PDE1A: variants seen among roughly 807,000 people sequenced by gnomAD.
The protein encoded by PDE1A is dual specificity calcium/calmodulin-dependent 3',5'-cyclic nucleotide phosphodiesterase 1A.
Under a neutral mutation model 61.7 loss-of-function variants are expected in PDE1A, and 35 were observed. The observed-to-expected ratio is 0.57, with a 90% CI of 0.43 to 0.75. The LOEUF is 0.75. PDE1A is among the 30% of genes least tolerant of loss of function. The pLI, the probability that PDE1A is intolerant of heterozygous loss-of-function variation, is 0.00. For missense variants in PDE1A, 597 were observed against 630.6 expected, an observed-to-expected ratio of 0.95 and a Z score of 0.57; for synonymous variants, 232 against 213.2, an observed-to-expected ratio of 1.09 and a Z score of -0.77.
At chr2:182,376,723 T>C (rs1291708977) in intron 1 of PDE1A, among the ~76,000 whole-genome samples, 2 of 152,170 alleles carry the variant, frequency 1.3e-5, no homozygotes, top group Non-Finnish European at 2.9e-5. Context: ...ACACTGCTGA[T>C]AAAGAGATAC....
In PDE1A at chr2:182,275,226, C is replaced by T. The variant is rs140456336; in HGVS notation, c.54-10812G>A. 2.9e-3 allele frequency among the ~76,000 whole-genome samples: 447 copies of T among 152,130 alleles called. 3 individuals are homozygous for T. Among genetic ancestry groups the T allele is most frequent in the African/African-American group, 9.9e-3 (412 of 41,544 alleles). ...GAGAAACACCAGTGGGGACTGCCCACGGCAATCTTGAACCACAGAAGAGAC... is the reference window on the plus strand; with the variant it reads ...GAGAAACACCAGTGGGGACTGCCCATGGCAATCTTGAACCACAGAAGAGAC... On this transcript the variant is annotated intron_variant, in intron 1 of 13. Transcript: ENST00000351439.
At chr2:182,228,721 T>A (rs186187585) in intron 6 of PDE1A, among the ~76,000 whole-genome samples, 34 of 152,304 alleles carry the variant, frequency 2.2e-4, no homozygotes, top group African/African-American at 6.7e-4. Context: ...TCTCCATCTA[T>A]GGTAAAAGTT....
chr2:182,612,934 GT>G, the PDE1A span, among the ~76,000 whole-genome samples: 2 of 152,266 alleles, frequency 1.3e-5, no homozygotes, highest in South Asian at 2.1e-4. Context: ...CGTTTTTGCA[GT>G]TTTTTTATCT....
intron 2 of PDE1A, among the ~76,000 whole-genome samples, chr2:182,444,732 T>C (rs1685023615): frequency 6.6e-6 from 1 of 152,052 alleles, no homozygotes; most frequent in Admixed American, 6.6e-5. Context: ...AGCTTCTATA[T>C]ATCATTATCT....
chr2:182,283,840 A>G (rs833139), intron 1 of PDE1A, among the ~76,000 whole-genome samples: 1,981 of 152,244 alleles, frequency 0.013, 26 homozygotes, highest in African/African-American at 0.022. Flanking sequence ...CTAGGACTCT[A>G]TGAAAAGCGT....
intron 1 of PDE1A, among the ~76,000 whole-genome samples, chr2:182,277,541 G>T (rs1693511684): frequency 6.6e-6 from 1 of 152,074 alleles, no homozygotes; most frequent in Non-Finnish European, 1.5e-5. Flanking sequence ...GGCTTCTCTT[G>T]TAAGTTCATA....
chr2:182,536,484 C>T, the PDE1A span, among the ~76,000 whole-genome samples: 2 of 152,022 alleles, frequency 1.3e-5, no homozygotes, highest in South Asian at 4.2e-4. Flanking sequence ...CAATCATTGA[C>T]CTATGTAGCA....
At chr2:182,550,590 G>A in the PDE1A span, among the ~76,000 whole-genome samples, 73 of 152,142 alleles carry the variant, frequency 4.8e-4, no homozygotes, top group African/African-American at 1.7e-3. Flanking sequence ...CAATTACGAC[G>A]CTCCAGTCAC....
chr2:182,339,860 G>A lies in PDE1A; in HGVS notation c.54-75446C>T, dbSNP rs551476516. Among the ~76,000 whole-genome samples the A allele has an allele frequency of 4.6e-5, 7 of 152,258 alleles. No individual in the cohort carries two copies. The East Asian group carries it at 9.7e-4, about 21-fold the overall frequency. On this transcript the variant is annotated intron_variant, in intron 1 of 13. Coordinates refer to ENST00000351439, the Ensembl canonical transcript of PDE1A. The stretch of plus-strand genomic sequence containing the variant: ...TTTTGCAATTATTCTTATGTTTTGT[G>A]AAAGAGGGAGAAGAGTTTTCATTTT...
intron 13 of PDE1A, among the ~76,000 whole-genome samples, chr2:182,157,155 C>T (rs1691137420): frequency 6.6e-6 from 1 of 151,924 alleles, no homozygotes; most frequent in African/African-American, 2.4e-5. Flanking sequence ...GCTGGGATTA[C>T]AGGCACACGC....
chr2:182,237,126 A>G (rs1229253660), intron 3 of PDE1A, among the ~76,000 whole-genome samples: 2 of 152,204 alleles, frequency 1.3e-5, no homozygotes, highest in African/African-American at 4.8e-5. Flanking sequence ...TGAAAGTCTA[A>G]CTGGAAATGT....
chr2:182,182,881 T>G (rs1684887622), intron 13 of PDE1A, among the ~76,000 whole-genome samples: 1 of 152,184 alleles, frequency 6.6e-6, no homozygotes, highest in Admixed American at 6.6e-5. Context: ...AGTGAAGGCT[T>G]TCCTTACCAG....
rs575685010 is a variant in PDE1A, at chr2:182,330,875, T to G, written c.54-66461A>C. ...TCCTTTACAGCATCCCTTTCATTTC[T>G]GAATATTTCTTCCTTCCCTGGCCCC... On this transcript the variant is annotated intron_variant, in intron 1 of 13. Coordinates refer to ENST00000351439, the Ensembl canonical transcript of PDE1A. Among the ~76,000 whole-genome samples, 9 of 152,332 alleles carry G rather than the reference T, an allele frequency of 5.9e-5. 1 individual carries two copies. Among genetic ancestry groups the G allele is most frequent in the African/African-American group, 2.2e-4 (9 of 41,592 alleles).
At chr2:182,498,493 C>T (rs543358620) in intron 2 of PDE1A, among the ~76,000 whole-genome samples, 11 of 149,922 alleles carry the variant, frequency 7.3e-5, no homozygotes, top group Non-Finnish European at 1.5e-4. Context: ...AGGCTTAATC[C>T]AAGAGGTGCA....
intron 2 of PDE1A, among the ~76,000 whole-genome samples, chr2:182,493,605 G>A (rs1688532446): frequency 6.6e-6 from 1 of 152,154 alleles, no homozygotes; most frequent in African/African-American, 2.4e-5. Context: ...AAATCATGCT[G>A]CTATAAAGAC....
intron 1 of PDE1A, among the ~76,000 whole-genome samples, chr2:182,423,946 C>CTT (rs1559449269): frequency 6.9e-6 from 1 of 144,610 alleles, no homozygotes; most frequent in African/African-American, 2.7e-5. Context: ...CCTGGATTAA[C>CTT]CTTTTTTTTT....
At chr2:182,516,841 G>GGGAGGGAA (rs1690227149) in intron 2 of PDE1A, among the ~76,000 whole-genome samples, 1 of 114,674 alleles carries the variant, frequency 8.7e-6, no homozygotes, top group African/African-American at 3.3e-5. Flanking sequence ...AAGGGAGGGA[G>GGGAGGGAA]GGAGGGAGGG....
At chr2:182,210,840 G>A (rs963529675) in intron 7 of PDE1A, among the ~76,000 whole-genome samples, 2 of 151,936 alleles carry the variant, frequency 1.3e-5, no homozygotes, top group African/African-American at 4.8e-5. Flanking sequence ...AGGGTATAAG[G>A]CCTGTGTCTT....
At chr2:182,163,630 T>C (rs1038905330), downstream of PDE1A, among the ~76,000 whole-genome samples, 3 of 152,078 alleles carry the variant, frequency 2.0e-5, no homozygotes, top group Admixed American at 2.0e-4. Context: ...CCTTCTAAAG[T>C]AAAGAGTTGT....
Sources: allele counts gnomAD v4.1 joint callset (sites outside exome capture counted in the v4.1 genomes callset), GRCh38; gene constraint gnomAD v4.1.1; transcripts MANE v1.5; gene names NCBI Gene and HGNC (gene_info 2026-07-23, HGNC 2026-07-21).